The following PREX1 variants were observed in gnomAD, a reference collection of about 807,000 sequenced individuals.
PREX1 encodes phosphatidylinositol-3,4,5-trisphosphate dependent Rac exchange factor 1, also known as phosphatidylinositol 3,4,5-trisphosphate-dependent Rac exchanger 1 protein.
A neutral mutation model predicts 198.3 loss-of-function variants in PREX1; 41 were observed. The ratio of observed to expected loss-of-function variants is 0.21; its 90% CI spans 0.16 to 0.27. The LOEUF is 0.27. Ranked by LOEUF, PREX1 falls within the 10% of genes least tolerant of loss-of-function variation. The probability of loss-of-function intolerance (pLI) is 1.00; values close to 1 mark genes in which losing one functional copy is unlikely to be tolerated. For synonymous variants in PREX1, 843 were observed against 887.2 expected (o/e 0.95, Z 0.89); for missense variants, 1,620 against 2,200.7 (o/e 0.74, Z 5.28).
chr20:48,705,801 C>G (rs189510508), intron 6 of PREX1, among the ~76,000 whole-genome samples: 7 of 152,326 alleles, frequency 4.6e-5, no homozygotes, highest in African/African-American at 1.7e-4. Flanking sequence ...CTCACTTTAT[C>G]TTCCAAATGA....
chr20:48,733,605 T>G (rs1325972845), intron 4 of PREX1, among the ~76,000 whole-genome samples: 3 of 152,174 alleles, frequency 2.0e-5, no homozygotes, highest in Non-Finnish European at 2.9e-5. Context: ...GAGACATACA[T>G]TACTGATGAC....
At chr20:48,762,262 G>A (rs6125457) in intron 1 of PREX1, among the ~76,000 whole-genome samples, 40,418 of 152,098 alleles carry the variant, frequency 0.27, 6,318 homozygotes, top group Admixed American at 0.34. Context: ...GGGCTCCTCA[G>A]TTGTTGATTT....
intron 19 of PREX1, among the ~76,000 whole-genome samples, 173 bp from the exon 20 acceptor site, chr20:48,653,670 T>G (rs2089519396): frequency 6.6e-6 from 1 of 152,042 alleles, no homozygotes; most frequent in Admixed American, 6.5e-5. Flanking sequence ...TGGATTGATG[T>G]TCCCATTTTG....
rs758573521 is a variant in PREX1 at position 48,655,300 on chromosome 20, A to G, written c.2199T>C (p.Ala733=). 1 of 1,581,906 alleles carries G rather than the reference A, an allele frequency of 6.3e-7. No homozygotes were observed. Among genetic ancestry groups the G allele is most frequent in the Non-Finnish European group, 8.7e-7 (1 of 1,154,504 alleles). The part of the protein sequence containing the change: ...IRGAAPPYVY[A]VGRGSEAMAA... ...AAGGCTCCCACTCACCTCTCCCCAC[A>G]GCATAGACGTACGGTGGGGCAGCTC... Residue 733 remains alanine (A), a synonymous_variant, in exon 19 of 40, where the codon GCT becomes GCC. Transcript: ENST00000371941.
intron 2 of PREX1, 57 bp downstream of exon 2, chr20:48,747,752 G>A: frequency 6.5e-7 from 1 of 1,535,274 alleles, no homozygotes. Context: ...CACGGGAAGA[G>A]CAAGGCACAA....
intron 1 of PREX1, among the ~76,000 whole-genome samples, chr20:48,779,126 T>A (rs889770014): frequency 6.6e-6 from 1 of 152,208 alleles, no homozygotes; most frequent in South Asian, 2.1e-4. Flanking sequence ...GGATTTATAT[T>A]CAGAATACAA....
chr20:48,789,591 A>C (rs1355301683), intron 1 of PREX1, among the ~76,000 whole-genome samples: 1 of 152,244 alleles, frequency 6.6e-6, no homozygotes, highest in African/African-American at 2.4e-5. Context: ...CCACGCAGCC[A>C]CTTGAAATGA....
Position 48,636,697 on chromosome 20 carries a change from G to A in PREX1, c.3947-14C>T. The A allele has an allele frequency of 6.3e-7, 1 of 1,584,330 alleles. No homozygotes were observed. Among genetic ancestry groups the A allele is most frequent in the Non-Finnish European group, 8.6e-7 (1 of 1,164,638 alleles). ...GCAGCTCCGTGTCTGGGGGCAGAGG[G>A]CAGGAGGCCTTGCTGGAGGGGCGCT... On this transcript the variant is annotated splice_polypyrimidine_tract_variant and intron_variant, in intron 31 of 39. Coordinates refer to ENST00000371941, the MANE Select transcript of PREX1 (RefSeq NM_020820.4).
Position 48,666,295 on chromosome 20 carries a change from A to G in PREX1, c.1726T>C (p.Phe576Leu). Residue 576 changes from phenylalanine to leucine, a missense_variant, in exon 15 of 40, where the codon TTC becomes CTC. By Grantham distance (22) the Phe-to-Leu change is conservative (BLOSUM62 0). Around this residue, in one of 7 missense-constraint regions of PREX1, gnomAD observed 488 missense variants for 802.5 expected, o/e 0.61. Transcript: ENST00000371941. This position sits in a 1 kb window ranked among gnomAD's most constrained non-coding sequence, Gnocchi z 4.3. The part of the protein sequence containing the change: ...ALGVGLCNNG[F>L]MHHVLEKSEF... ...TGGGGGTGGTTACCGTGGTGCATGAAGCCATTGTTGCACAGACCCACGCCG... is the reference window on the plus strand; with the variant it reads ...TGGGGGTGGTTACCGTGGTGCATGAGGCCATTGTTGCACAGACCCACGCCG... 6.4e-7 allele frequency: 1 copy of G among 1,568,516 alleles called. No homozygotes were observed. The highest frequency in any genetic ancestry group is 8.6e-7 in the Non-Finnish European group (1 of 1,157,044).
Position 48,653,615 on chromosome 20 carries a change from C to G in PREX1, c.2210-118G>C. The G allele has an allele frequency of 2.3e-6, 3 of 1,288,288 alleles. No individual in the cohort carries two copies. The East Asian group carries it at 7.1e-5, about 31-fold the overall frequency. 79.8% of individuals were successfully genotyped at this position (1,288,288 alleles called of 1,614,324 possible). ...GACACGCGCAAGGACTCCACCTCCA[C>G]CCCTCCCACCCCAGAGCCGCCCTCT... On this transcript the variant is annotated intron_variant, in intron 19 of 39. Coordinates refer to ENST00000371941, the MANE Select transcript of PREX1 (RefSeq NM_020820.4).
intron 10 of PREX1, among the ~76,000 whole-genome samples, chr20:48,683,853 C>T (rs997337501): frequency 6.6e-6 from 1 of 152,116 alleles, no homozygotes; most frequent in African/African-American, 2.4e-5. Context: ...CACTGCTAGC[C>T]ACCTCTGGGG....
At chr20:48,861,992 C>T in the PREX1 span, among the ~76,000 whole-genome samples, 1 of 152,148 alleles carries the variant, frequency 6.6e-6, no homozygotes, top group Non-Finnish European at 1.5e-5. Context: ...GGCAGATCAC[C>T]TGAGGTCAGG....
intron 27 of PREX1, 113 bp from the exon 28 acceptor site, chr20:48,642,602 G>T: frequency 2.1e-6 from 2 of 947,240 alleles, no homozygotes; most frequent in African/African-American, 1.6e-5. Context: ...CACAAGGGAT[G>T]TGGAGTCTGA....
At chr20:48,683,376 G>C (rs955680099) in intron 10 of PREX1, among the ~76,000 whole-genome samples, 1 of 152,232 alleles carries the variant, frequency 6.6e-6, no homozygotes, top group African/African-American at 2.4e-5. Flanking sequence ...GGATCAAGGA[G>C]GGTTCACAGC....
intron 31 of PREX1, 89 bp downstream of exon 31, chr20:48,637,622 C>G (rs1023915782): frequency 1.5e-5 from 20 of 1,319,550 alleles, no homozygotes; most frequent in Non-Finnish European, 1.8e-5. Flanking sequence ...GTTGCCTCCC[C>G]CCGTCCAGGC....
rs116963299 is a variant in PREX1, at chr20:48,754,933, T to C, written c.220-7053A>G. On this transcript the variant is annotated intron_variant, in intron 1 of 39. Coordinates refer to ENST00000371941, the MANE Select transcript of PREX1 (RefSeq NM_020820.4). ...GCCCAGAGTCTGGGGAGCTCCCCAA[T>C]TGCCCAATGACCCCTTCAAATGCCC... is the stretch of plus-strand genomic sequence containing the variant. Among the ~76,000 whole-genome samples, 355 of 152,230 alleles carry C rather than the reference T, an allele frequency of 2.3e-3. 4 individuals carry two copies. In the East Asian group the frequency reaches 0.044, roughly 19 times the overall value.
the PREX1 span, among the ~76,000 whole-genome samples, chr20:48,847,366 A>T: frequency 1.8e-5 from 2 of 109,640 alleles, no homozygotes; most frequent in African/African-American, 3.0e-5. Context: ...TTCTCTTATA[A>T]AAAAAAAAAA....
At chr20:48,629,314 G>A (rs1271596272) in intron 37 of PREX1, 135 bp downstream of exon 37, 2 of 1,236,310 alleles carry the variant, frequency 1.6e-6, no homozygotes, top group Non-Finnish European at 1.1e-6. Context: ...GGTGCAGACA[G>A]AGCCAAGGCT....
chr20:48,882,635 C>A, the PREX1 span, among the ~76,000 whole-genome samples: 1 of 151,004 alleles, frequency 6.6e-6, no homozygotes, highest in Non-Finnish European at 1.5e-5. Flanking sequence ...CAATTCTATG[C>A]TTAATATTTT....
Sources: gnomAD v4.1 joint callset for allele counts (sites outside exome capture counted in the v4.1 genomes callset) on GRCh38, gnomAD v4.1.1 for gene constraint, gnomAD v4.1.1 regional missense constraint, Gnocchi (gnomAD v3.1) non-coding constraint, MANE v1.5 for transcripts, NCBI Gene and HGNC (gene_info 2026-07-23, HGNC 2026-07-21) for gene names.